The following MEOX2 variants were observed in gnomAD, a reference collection of about 807,000 sequenced individuals.
MEOX2 encodes homeobox protein MOX-2.
In MEOX2, 11 loss-of-function variants were observed where a neutral mutation model predicts 27.0. The observed-to-expected ratio is 0.41, with a 90% confidence interval of 0.26 to 0.68. MEOX2 has a LOEUF of 0.68. Ranked by LOEUF, MEOX2 falls within the 30% of genes least tolerant of loss-of-function variation. The pLI, the probability that MEOX2 is intolerant of heterozygous loss-of-function variation, is 0.33. For synonymous variants in MEOX2, 189 were observed against 155.4 expected (o/e 1.22, Z -1.61); for missense variants, 436 against 385.4 (o/e 1.13, Z -1.10).
chr7:15,627,963 A>G (rs1306968137), intron 1 of MEOX2, among the ~76,000 whole-genome samples: 1 of 152,106 alleles, frequency 6.6e-6, no homozygotes, highest in Non-Finnish European at 1.5e-5. Flanking sequence ...TTATTTTTGC[A>G]CATGTACAAA....
chr7:15,632,738 T>G (rs1322058998), intron 1 of MEOX2, among the ~76,000 whole-genome samples: 1 of 151,972 alleles, frequency 6.6e-6, no homozygotes, highest in African/African-American at 2.4e-5. Flanking sequence ...CCGGGACAAG[T>G]CTTCTGGGTA....
intron 1 of MEOX2, among the ~76,000 whole-genome samples, chr7:15,661,711 G>T (rs1266426342): frequency 6.6e-6 from 1 of 152,156 alleles, no homozygotes; most frequent in Non-Finnish European, 1.5e-5. Flanking sequence ...GGCTGGTAAC[G>T]ATTAGGGCAG....
At chr7:15,681,833 A>G (rs1185962465) in intron 1 of MEOX2, 2 of 151,794 alleles carry the variant, frequency 1.3e-5, no homozygotes, top group African/African-American at 4.8e-5. Flanking sequence ...AAGTTTGTGC[A>G]ATACCATGCC....
At chr7:15,681,404 A>C (rs1782289715) in intron 1 of MEOX2, 1 of 151,736 alleles carries the variant, frequency 6.6e-6, no homozygotes, top group Non-Finnish European at 1.5e-5. Context: ...AAGTACATGT[A>C]GTGGGCTTAT....
chr7:15,665,891 G>T (rs1375772636), intron 1 of MEOX2, among the ~76,000 whole-genome samples: 1 of 152,034 alleles, frequency 6.6e-6, no homozygotes, highest in Non-Finnish European at 1.5e-5. Flanking sequence ...GCAGATTATA[G>T]AAGATACTCA....
intron 1 of MEOX2, among the ~76,000 whole-genome samples, chr7:15,631,296 C>T (rs1339652640): frequency 6.6e-6 from 1 of 151,364 alleles, no homozygotes; most frequent in Non-Finnish European, 1.5e-5. Context: ...CTCTTTTTCA[C>T]TATCTGTCCT....
intron 1 of MEOX2, among the ~76,000 whole-genome samples, chr7:15,639,113 A>C (rs370655481): frequency 6.6e-6 from 1 of 151,946 alleles, no homozygotes; most frequent in Non-Finnish European, 1.5e-5. Flanking sequence ...AAAAGTATTC[A>C]CTTTTCTCCA....
chr7:15,627,808 A>AACACACACACACAC (rs71549949), intron 1 of MEOX2, among the ~76,000 whole-genome samples: 1,668 of 147,380 alleles, frequency 0.011, 22 homozygotes, highest in African/African-American at 0.019. Context: ...ATCAATAGTA[A>AACACACACACACAC]ACACACACAC....
intron 1 of MEOX2, chr7:15,680,291 TA>T (rs1562617750): frequency 6.6e-6 from 1 of 151,962 alleles, no homozygotes; most frequent in African/African-American, 2.4e-5. Flanking sequence ...TTTTGTATCA[TA>T]AAATACTATC....
At chr7:15,633,420 A>G (rs186035085) in intron 1 of MEOX2, among the ~76,000 whole-genome samples, 184 of 152,052 alleles carry the variant, frequency 1.2e-3, no homozygotes, top group South Asian at 7.5e-3. Context: ...AAAGGCAGAA[A>G]GAATTGTGAC....
At chr7:15,639,687 G>A (rs1183844993) in intron 1 of MEOX2, among the ~76,000 whole-genome samples, 1 of 152,004 alleles carries the variant, frequency 6.6e-6, no homozygotes, top group Non-Finnish European at 1.5e-5. Context: ...CATGTAGCTA[G>A]CCAGTTTTCC....
chr7:15,623,048 T>C (rs914332011), intron 2 of MEOX2, among the ~76,000 whole-genome samples: 18 of 152,326 alleles, frequency 1.2e-4, no homozygotes, highest in Non-Finnish European at 2.2e-4. Flanking sequence ...TAAATGTGTG[T>C]TGTTTATAAG....
chr7:15,683,048 T>C (rs1782317823), intron 1 of MEOX2, among the ~76,000 whole-genome samples: 1 of 152,040 alleles, frequency 6.6e-6, no homozygotes, highest in African/African-American at 2.4e-5. Context: ...CATATGTGTG[T>C]GTCCATGTGC....
At chr7:15,644,753 T>C (rs973262428) in intron 1 of MEOX2, among the ~76,000 whole-genome samples, 2 of 152,170 alleles carry the variant, frequency 1.3e-5, no homozygotes, top group African/African-American at 4.8e-5. Context: ...TCTGGAGTAA[T>C]GTACAGTGAA....
chr7:15,667,341 G>A (rs1307270180), intron 1 of MEOX2, among the ~76,000 whole-genome samples: 1 of 149,040 alleles, frequency 6.7e-6, no homozygotes, highest in East Asian at 2.0e-4. Context: ...GAGGAGTTGA[G>A]GCAGCTGCCA....
chr7:15,642,816 G>A (rs1192202802), intron 1 of MEOX2, among the ~76,000 whole-genome samples: 1 of 152,158 alleles, frequency 6.6e-6, no homozygotes, highest in Non-Finnish European at 1.5e-5. Context: ...CATATGCTGG[G>A]TAGGTCCCTT....
chr7:15,685,339 T>C (rs1158404140), intron 1 of MEOX2, among the ~76,000 whole-genome samples: 2 of 151,556 alleles, frequency 1.3e-5, no homozygotes, highest in Non-Finnish European at 2.9e-5. Context: ...TAAAGAACGC[T>C]GAAATAAGAA....
At chr7:15,639,355 T>C (rs916133413) in intron 1 of MEOX2, among the ~76,000 whole-genome samples, 3 of 152,114 alleles carry the variant, frequency 2.0e-5, no homozygotes, top group African/African-American at 4.8e-5. Context: ...TTTGTTTAAG[T>C]TCTTTATATA....
intron 1 of MEOX2, among the ~76,000 whole-genome samples, chr7:15,651,709 T>C (rs2115377438): frequency 6.6e-6 from 1 of 152,066 alleles, no homozygotes; most frequent in East Asian, 1.9e-4. Flanking sequence ...CAAGAGCCCC[T>C]TGTCCAAGTG....
Sources: gnomAD v4.1 joint callset for allele counts (sites outside exome capture counted in the v4.1 genomes callset) on GRCh38, gnomAD v4.1.1 for gene constraint, MANE v1.5 for transcripts, NCBI Gene and HGNC (gene_info 2026-07-23, HGNC 2026-07-21) for gene names.